The following ZNF609 variants were observed in gnomAD, a reference collection of about 807,000 sequenced individuals.
The protein encoded by ZNF609 is zinc finger protein 609.
A neutral mutation model predicts 109.5 loss-of-function variants in ZNF609; 11 were observed. The ratio of observed to expected loss-of-function variants is 0.10; its 90% CI spans 0.06 to 0.17. The LOEUF (loss-of-function observed/expected upper bound fraction) is 0.17. Ranked by LOEUF, ZNF609 falls within the 10% of genes least tolerant of loss-of-function variation. The pLI, the probability that ZNF609 is intolerant of heterozygous loss-of-function variation, is 1.00. For synonymous variants in ZNF609, 646 were observed against 662.0 expected, an observed-to-expected ratio of 0.98 and a Z score of 0.37; for missense variants, 1,559 against 1,772.4, an observed-to-expected ratio of 0.88 and a Z score of 2.16.
chr15:64,600,910 A>T (rs770740256), intron 2 of ZNF609, among the ~76,000 whole-genome samples: 2 of 152,072 alleles, frequency 1.3e-5, no homozygotes, highest in African/African-American at 2.4e-5. Flanking sequence ...TCAAGGCTTG[A>T]CTGCTTTATG....
At chr15:64,625,217 A>C (rs530981448) in intron 3 of ZNF609, among the ~76,000 whole-genome samples, 1 of 152,330 alleles carries the variant, frequency 6.6e-6, no homozygotes, top group East Asian at 1.9e-4. Flanking sequence ...CATTGTATCC[A>C]AGGTACTTAA....
intron 1 of ZNF609, among the ~76,000 whole-genome samples, chr15:64,486,160 A>G (rs1893329968): frequency 6.6e-6 from 1 of 152,172 alleles, no homozygotes; most frequent in Non-Finnish European, 1.5e-5. Flanking sequence ...TACATTATAT[A>G]ATAACCTGTT....
intron 2 of ZNF609, among the ~76,000 whole-genome samples, chr15:64,592,818 C>T (rs934494382): frequency 6.6e-6 from 1 of 150,494 alleles, no homozygotes; most frequent in Non-Finnish European, 1.5e-5. Flanking sequence ...GAGGCTGAGG[C>T]AGGAGAATTG....
intron 2 of ZNF609, among the ~76,000 whole-genome samples, chr15:64,610,519 T>G (rs1895699735): frequency 6.6e-6 from 1 of 152,138 alleles, no homozygotes; most frequent in Admixed American, 6.6e-5. Flanking sequence ...TGCAGTGGTG[T>G]GTGCCTGTAG....
At chr15:64,610,722 C>A (rs929376748) in intron 2 of ZNF609, among the ~76,000 whole-genome samples, 1 of 152,110 alleles carries the variant, frequency 6.6e-6, no homozygotes, top group Non-Finnish European at 1.5e-5. Context: ...CAGGGAGAAT[C>A]ATCCCATTCC....
chr15:64,557,847 C>T (rs1662835137), intron 2 of ZNF609, among the ~76,000 whole-genome samples: 1 of 152,094 alleles, frequency 6.6e-6, no homozygotes, highest in Non-Finnish European at 1.5e-5. Context: ...CAGGCGCCCA[C>T]CACCGCACCT....
At chr15:64,469,169 A>C (rs1223068093) in intron 1 of ZNF609, among the ~76,000 whole-genome samples, 2 of 151,758 alleles carry the variant, frequency 1.3e-5, no homozygotes, top group African/African-American at 4.8e-5. Context: ...AGGCTGAGGC[A>C]GGAGAATCGC....
At chr15:64,567,437 C>T (rs1177832496) in intron 2 of ZNF609, among the ~76,000 whole-genome samples, 1 of 149,840 alleles carries the variant, frequency 6.7e-6, no homozygotes, top group Non-Finnish European at 1.5e-5. Flanking sequence ...GAGCCGAGAT[C>T]ACACCACTGC....
intron 2 of ZNF609, among the ~76,000 whole-genome samples, chr15:64,584,207 C>G (rs575445331): frequency 6.6e-6 from 1 of 152,152 alleles, no homozygotes; most frequent in Non-Finnish European, 1.5e-5. Context: ...ATCTCTGACT[C>G]GGCACTTTGG....
At chr15:64,669,819 C>T (rs2141010982) in intron 3 of ZNF609, among the ~76,000 whole-genome samples, 1 of 152,242 alleles carries the variant, frequency 6.6e-6, no homozygotes, top group South Asian at 2.1e-4. Flanking sequence ...AGGCATGCAC[C>T]ACTATGCCCA....
chr15:64,657,468 G>T (rs758999813), intron 3 of ZNF609, among the ~76,000 whole-genome samples: 1 of 151,654 alleles, frequency 6.6e-6, no homozygotes, highest in Admixed American at 6.6e-5. Flanking sequence ...ACAAAAATTA[G>T]CTGGGCATGG....
At chr15:64,529,326 C>G (rs1375871458) in intron 2 of ZNF609, 8 of 720,846 alleles carry the variant, frequency 1.1e-5, no homozygotes, top group African/African-American at 8.6e-5. Context: ...CCTTTTGGCT[C>G]CCCCCTGCAA....
chr15:64,487,681 G>A (rs1319545905), intron 1 of ZNF609, among the ~76,000 whole-genome samples: 2 of 151,562 alleles, frequency 1.3e-5, no homozygotes, highest in Non-Finnish European at 2.9e-5. Flanking sequence ...CGCCCCGGCT[G>A]GAGTGCGGTG....
At chr15:64,521,455 A>T (rs898128958) in intron 2 of ZNF609, among the ~76,000 whole-genome samples, 1 of 151,446 alleles carries the variant, frequency 6.6e-6, no homozygotes, top group Non-Finnish European at 1.5e-5. Flanking sequence ...TGAGAGGAGG[A>T]TTTTTTTTCC....
intron 3 of ZNF609, among the ~76,000 whole-genome samples, chr15:64,661,079 A>G (rs1896568578): frequency 6.6e-6 from 1 of 151,986 alleles, no homozygotes; most frequent in Non-Finnish European, 1.5e-5. Context: ...CTCCTGCCTC[A>G]GTCTCCCAAG....
At chr15:64,460,035 T>C (rs1892914628), upstream of ZNF609, among the ~76,000 whole-genome samples, 1 of 152,086 alleles carries the variant, frequency 6.6e-6, no homozygotes, top group Admixed American at 6.5e-5. Context: ...GAAAAGCAAG[T>C]GGTAATCCTA....
intron 2 of ZNF609, among the ~76,000 whole-genome samples, chr15:64,606,226 G>A (rs1045026207): frequency 6.6e-6 from 1 of 151,204 alleles, no homozygotes; most frequent in African/African-American, 2.4e-5. Flanking sequence ...CAGTCCTCCT[G>A]CCTCAGCCTT....
intron 2 of ZNF609, among the ~76,000 whole-genome samples, chr15:64,516,434 C>T (rs920862885): frequency 1.3e-5 from 2 of 152,096 alleles, no homozygotes; most frequent in Non-Finnish European, 2.9e-5. Flanking sequence ...TGCAATGGCA[C>T]GATCTCGTCT....
rs1370486150 is a variant in ZNF609 at position 64,670,445 on chromosome 15, C to T, written c.1061+12C>T. ...TGGGCACCCCCAAGGTAAGCACTTA[C>T]AGCTATTTAGTTTATATTATTCTGA... On this transcript the variant is annotated intron_variant, in intron 4 of 9. Coordinates refer to ENST00000326648, the MANE Select transcript of ZNF609 (RefSeq NM_015042.2). 2 of 1,609,412 alleles carry T rather than the reference C, an allele frequency of 1.2e-6. No individual in the cohort carries two copies. Among genetic ancestry groups the T allele is most frequent in the South Asian group, 1.1e-5 (1 of 91,008 alleles).
Sources: gnomAD v4.1 joint callset for allele counts (sites outside exome capture counted in the v4.1 genomes callset) on GRCh38, gnomAD v4.1.1 for gene constraint, MANE v1.5 for transcripts, NCBI Gene and HGNC (gene_info 2026-07-23, HGNC 2026-07-21) for gene names.